Variants in AHRR observed in about 807,000 individuals in gnomAD.
The protein encoded by AHRR is aryl hydrocarbon receptor repressor.
Under a neutral mutation model 44.0 loss-of-function variants are expected in AHRR, and 28 were observed. The ratio of observed to expected loss-of-function variants is 0.64; its 90% CI spans 0.47 to 0.87. The LOEUF is 0.87. Ranked by LOEUF, AHRR falls within the 40% of genes least tolerant of loss-of-function variation. The pLI is 0.00. For missense variants in AHRR, 990 were observed against 953.9 expected (o/e 1.04, Z -0.50); for synonymous variants, 434 against 407.0 (o/e 1.07, Z -0.80).
chr5:397,241 GTAGCCCCTGACCA>G, intron 4 of AHRR, among the ~76,000 whole-genome samples: 1 of 86,968 alleles, frequency 1.1e-5, no homozygotes, highest in Non-Finnish European at 2.2e-5. Flanking sequence ...GACCATCCAC[GTAGCCCCTGACCA>G]TCCACGTAGC....
At chr5:354,868 C>A (rs1436416858) in intron 3 of AHRR, among the ~76,000 whole-genome samples, 1 of 152,162 alleles carries the variant, frequency 6.6e-6, no homozygotes, top group African/African-American at 2.4e-5. Flanking sequence ...CCCTCAGACA[C>A]CCCCAGGGAA....
chr5:366,852 A>C (rs1743376859), intron 3 of AHRR, among the ~76,000 whole-genome samples: 1 of 151,756 alleles, frequency 6.6e-6, no homozygotes, highest in Admixed American at 6.6e-5. Context: ...AGTCTGCAAA[A>C]TAACTCACCT....
chr5:416,332 G>A (rs559353168), intron 5 of AHRR, among the ~76,000 whole-genome samples: 28 of 152,364 alleles, frequency 1.8e-4, no homozygotes, highest in African/African-American at 2.9e-4. Context: ...GGCCAGCAGC[G>A]GTGTTTGCCT....
intron 2 of AHRR, among the ~76,000 whole-genome samples, chr5:344,991 CTGTG>C (rs200550379): frequency 4.8e-5 from 4 of 83,654 alleles, no homozygotes; most frequent in Non-Finnish European, 4.7e-5. Flanking sequence ...GTGTGTGAGG[CTGTG>C]TGTGGGGAGT....
At chr5:392,438 G>A (rs148129307) in intron 4 of AHRR, among the ~76,000 whole-genome samples, 1,548 of 149,772 alleles carry the variant, frequency 0.01, 25 homozygotes, top group African/African-American at 0.037. Flanking sequence ...GGTGCAGGGC[G>A]AGGCAGGCGC....
At position 343,893 on chromosome 5, in the gene AHRR, G is replaced by A; in HGVS notation, c.-10G>A. On this transcript the variant is annotated splice_region_variant and 5_prime_UTR_variant, in exon 2 of 11. Coordinates refer to ENST00000684583, the MANE Select transcript of AHRR (RefSeq NM_001377236.1). ...GACCGGGTGCCCCCTTGTCTTCCAG[G>A]CCGAGGACGATGATCCCGCCGGGGG... 1 of 1,598,580 alleles carries A rather than the reference G, an allele frequency of 6.3e-7. No homozygotes were observed. Among genetic ancestry groups the A allele is most frequent in the Non-Finnish European group, 8.5e-7 (1 of 1,173,638 alleles).
At chr5:400,263 T>C (rs1734958275) in intron 4 of AHRR, among the ~76,000 whole-genome samples, 1 of 152,238 alleles carries the variant, frequency 6.6e-6, no homozygotes, top group Non-Finnish European at 1.5e-5. Context: ...GCCCTGGAAC[T>C]GGAAGAGATC....
At chr5:324,091 G>A (rs1310875624) in intron 1 of AHRR, among the ~76,000 whole-genome samples, 1 of 145,280 alleles carries the variant, frequency 6.9e-6, no homozygotes, top group Non-Finnish European at 1.5e-5. Flanking sequence ...ACAGAGTCTT[G>A]TTCTGTCACC....
chr5:412,470 A>G (rs540765345), intron 4 of AHRR, among the ~76,000 whole-genome samples: 4 of 152,282 alleles, frequency 2.6e-5, no homozygotes, highest in African/African-American at 7.2e-5. Context: ...TCGTGTCTTG[A>G]TGGTTGTGTA....
At chr5:421,971 C>T (rs932574424) in intron 5 of AHRR, among the ~76,000 whole-genome samples, 3 of 152,244 alleles carry the variant, frequency 2.0e-5, no homozygotes, top group Non-Finnish European at 4.4e-5. Flanking sequence ...TCCTAAGGTT[C>T]TAGCAGTCCC....
At chr5:409,980 A>G (rs1328308872) in intron 4 of AHRR, among the ~76,000 whole-genome samples, 1 of 152,114 alleles carries the variant, frequency 6.6e-6, no homozygotes, top group African/African-American at 2.4e-5. Flanking sequence ...TCATTTTTCC[A>G]TACAAATCTC....
intron 4 of AHRR, among the ~76,000 whole-genome samples, chr5:409,444 A>G (rs1434037159): frequency 6.6e-6 from 1 of 152,094 alleles, no homozygotes; most frequent in Non-Finnish European, 1.5e-5. Context: ...TTACATTCCC[A>G]CCAATCACAC....
intron 5 of AHRR, among the ~76,000 whole-genome samples, chr5:416,315 A>G (rs1735810267): frequency 6.6e-6 from 1 of 152,222 alleles, no homozygotes; most frequent in African/African-American, 2.4e-5. Flanking sequence ...TCCTGTGCCC[A>G]CACAATGGCC....
In AHRR at chr5:403,461, C is replaced by T. The variant is rs374132763; in HGVS notation, c.352-9883C>T. Among the ~76,000 whole-genome samples, 97 of 152,118 alleles carry T rather than the reference C, an allele frequency of 6.4e-4. No homozygotes were observed. The East Asian group carries it at 0.011, about 17-fold the overall frequency. On this transcript the variant is annotated intron_variant, in intron 4 of 10. Transcript: ENST00000684583. ...GACCAGCCTGGCCAACATGGTGAAA[C>T]GCTGTCTCTACTAAAAATGCAAAAA...
At chr5:345,124 GGATGTGTGTGT>G (rs1560884996) in intron 2 of AHRR, among the ~76,000 whole-genome samples, 9 of 46,744 alleles carry the variant, frequency 1.9e-4, no homozygotes, top group Non-Finnish European at 2.5e-4. Context: ...CTGTGTGTGG[GGATGTGTGTGT>G]GTGTGTGTGT....
In AHRR at chr5:326,642, C is replaced by T. The variant is rs2126316398; in HGVS notation, c.-11+4823C>T. Among the ~76,000 whole-genome samples, 1 of 152,298 alleles carries T rather than the reference C, an allele frequency of 6.6e-6. No homozygotes were observed. Among genetic ancestry groups the T allele is most frequent in the East Asian group, 1.9e-4 (1 of 5,184 alleles). On this transcript the variant is annotated intron_variant, in intron 1 of 10. Transcript: ENST00000684583. This position sits in a 1 kb window ranked among gnomAD's most constrained non-coding sequence, Gnocchi z 4.1. The stretch of plus-strand genomic sequence containing the variant: ...GATCATATAGTGATTCTGTGTTTAA[C>T]TTTTTGAGGAAACACCACACTTTTC...
intron 7 of AHRR, among the ~76,000 whole-genome samples, chr5:426,644 T>C (rs1030213766): frequency 2.0e-5 from 3 of 147,754 alleles, no homozygotes; most frequent in Non-Finnish European, 4.5e-5. Flanking sequence ...GATGGATGGA[T>C]AGATAGAAAG....
At chr5:401,842 C>A (rs1258866246) in intron 4 of AHRR, among the ~76,000 whole-genome samples, 4 of 152,218 alleles carry the variant, frequency 2.6e-5, no homozygotes, top group Non-Finnish European at 4.4e-5. Context: ...AGCAAGGGGG[C>A]AACCAAGCCT....
At chr5:344,018 G>A (rs1466117346) in intron 2 of AHRR, 54 bp downstream of exon 2, 4 of 1,552,750 alleles carry the variant, frequency 2.6e-6, no homozygotes, top group Non-Finnish European at 2.6e-6. Flanking sequence ...GGAAGGGGAG[G>A]GTTGGGGTTT....
Sources: allele counts gnomAD v4.1 joint callset (sites outside exome capture counted in the v4.1 genomes callset), GRCh38; gene constraint gnomAD v4.1.1; non-coding constraint Gnocchi (gnomAD v3.1); transcripts MANE v1.5; gene names NCBI Gene and HGNC (gene_info 2026-07-23, HGNC 2026-07-21).